FSTL5: variants seen among roughly 807,000 people sequenced by gnomAD.
FSTL5 encodes the protein follistatin-related protein 5.
Under a neutral mutation model 89.1 loss-of-function variants are expected in FSTL5, and 62 were observed. The observed-to-expected ratio is 0.70, with a 90% CI of 0.57 to 0.86. The LOEUF (loss-of-function observed/expected upper bound fraction) is 0.86. Among genes scored for constraint, FSTL5 ranks in the 40% least tolerant of loss-of-function variants. FSTL5 has a pLI of 0.00. For synonymous variants in FSTL5, 383 were observed against 346.2 expected, an observed-to-expected ratio of 1.11 and a Z score of -1.18; for missense variants, 1,057 against 1,001.6, an observed-to-expected ratio of 1.06 and a Z score of -0.75.
At chr4:161,729,340 C>A (rs1347072856) in intron 6 of FSTL5, among the ~76,000 whole-genome samples, 1 of 152,108 alleles carries the variant, frequency 6.6e-6, no homozygotes, top group Non-Finnish European at 1.5e-5. Context: ...CTGTCTTCTT[C>A]CCATCAATTT....
chr4:162,106,769 A>G lies in FSTL5; in HGVS notation c.126+4502T>C, dbSNP rs72982681. On this transcript the variant is annotated intron_variant, in intron 2 of 15. Transcript: ENST00000306100. Reference sequence around the variant, plus strand: ...CTAAGGTTTTAATGAAATAACCAACAACTCCCAAATCTCAATGATGTACAA... The same window carrying G: ...CTAAGGTTTTAATGAAATAACCAACGACTCCCAAATCTCAATGATGTACAA... Among the ~76,000 whole-genome samples the G allele has an allele frequency of 6.3e-3, 956 of 152,294 alleles. 6 individuals carry two copies. Among genetic ancestry groups the G allele is most frequent in the African/African-American group, 0.022 (916 of 41,564 alleles).
chr4:162,080,392 C>T (rs180825278), intron 2 of FSTL5, among the ~76,000 whole-genome samples: 5 of 151,496 alleles, frequency 3.3e-5, no homozygotes, highest in Admixed American at 6.6e-5. Flanking sequence ...AAGGAGTGTT[C>T]CTTCTGTGCA....
chr4:161,777,583 G>A (rs1210250713), intron 4 of FSTL5, among the ~76,000 whole-genome samples: 2 of 151,872 alleles, frequency 1.3e-5, no homozygotes. Context: ...TTAATGTTCT[G>A]ATATTCATTC....
At chr4:161,619,971 G>A (rs1346544774) in intron 7 of FSTL5, among the ~76,000 whole-genome samples, 1 of 151,902 alleles carries the variant, frequency 6.6e-6, no homozygotes, top group Non-Finnish European at 1.5e-5. Flanking sequence ...TGGATTGAGA[G>A]AATGTGGCAC....
intron 4 of FSTL5, among the ~76,000 whole-genome samples, chr4:161,780,631 C>A (rs891882366): frequency 6.6e-6 from 1 of 152,134 alleles, no homozygotes; most frequent in Non-Finnish European, 1.5e-5. Flanking sequence ...AGGGAAAATC[C>A]ATCTGGCCTT....
intron 7 of FSTL5, among the ~76,000 whole-genome samples, chr4:161,653,046 G>A (rs188945326): frequency 5.9e-5 from 9 of 152,168 alleles, no homozygotes; most frequent in Admixed American, 3.9e-4. Flanking sequence ...TGGAATTATA[G>A]ACATTTCTTA....
intron 6 of FSTL5, among the ~76,000 whole-genome samples, chr4:161,730,446 T>C (rs891438370): frequency 2.0e-5 from 3 of 151,952 alleles, no homozygotes; most frequent in African/African-American, 4.8e-5. Context: ...TTATTTAACA[T>C]AGAATTATTT....
At chr4:161,779,634 C>G (rs1345744945) in intron 4 of FSTL5, among the ~76,000 whole-genome samples, 1 of 151,162 alleles carries the variant, frequency 6.6e-6, no homozygotes, top group Non-Finnish European at 1.5e-5. Context: ...CCATATCTCC[C>G]TTTTATCCAC....
intron 13 of FSTL5, among the ~76,000 whole-genome samples, chr4:161,477,280 C>A (rs1729304510): frequency 7.0e-6 from 1 of 142,744 alleles, no homozygotes; most frequent in Admixed American, 7.3e-5. Context: ...GTGACACAAC[C>A]AAAAGGCAAA....
chr4:161,920,406 T>G lies in FSTL5; in HGVS notation c.407A>C (p.Lys136Thr). The change falls in exon 4 of 16, where the codon AAA (lysine) becomes ACA (threonine). Residue 136 changes from lysine (K) to threonine (T), a missense_variant and splice_region_variant. Coordinates refer to ENST00000306100, the MANE Select transcript of FSTL5 (RefSeq NM_020116.5). ...CTTAAGGTTCACCCTTCATTTACCT[T>G]TAAAGAAGCAGTCTTCATTGTGAAC... ...TIVHNEDCFF[K>T]GDKCKTTEYS... 1 of 1,613,774 alleles carries G rather than the reference T, an allele frequency of 6.2e-7. No homozygotes were observed. The highest frequency in any genetic ancestry group is 1.7e-5 in the Admixed American group (1 of 59,986).
intron 13 of FSTL5, among the ~76,000 whole-genome samples, chr4:161,462,879 A>G (rs1035023695): frequency 1.3e-5 from 2 of 152,084 alleles, no homozygotes; most frequent in East Asian, 3.8e-4. Flanking sequence ...TACAGACTAG[A>G]GGGTGAAAAG....
chr4:162,051,014 C>T (rs1043189743), intron 2 of FSTL5, among the ~76,000 whole-genome samples: 1 of 151,468 alleles, frequency 6.6e-6, no homozygotes, highest in Non-Finnish European at 1.5e-5. Flanking sequence ...ATTTAAACCT[C>T]TTCTATGGGT....
chr4:161,805,848 T>C (rs1040157471), intron 4 of FSTL5, among the ~76,000 whole-genome samples: 2 of 152,216 alleles, frequency 1.3e-5, no homozygotes, highest in South Asian at 4.1e-4. Context: ...TCACTTTCCA[T>C]GGTTTTGGTT....
At chr4:162,060,743 T>A (rs1168798827) in intron 2 of FSTL5, among the ~76,000 whole-genome samples, 7 of 152,082 alleles carry the variant, frequency 4.6e-5, no homozygotes, top group Admixed American at 2.6e-4. Context: ...AAGTGATATA[T>A]CATGTATTCT....
chr4:161,701,094 A>G (rs892092880), intron 6 of FSTL5, among the ~76,000 whole-genome samples: 40 of 152,310 alleles, frequency 2.6e-4, no homozygotes, highest in African/African-American at 9.1e-4. Flanking sequence ...AGAAATTAAA[A>G]CTGAATTAAG....
intron 6 of FSTL5, among the ~76,000 whole-genome samples, chr4:161,711,562 A>C (rs2126740142): frequency 1.3e-5 from 2 of 152,236 alleles, no homozygotes; most frequent in South Asian, 2.1e-4. Flanking sequence ...TTTTACTAAA[A>C]ATTTCTACCA....
Position 162,115,601 on chromosome 4 carries a change from CT to C in FSTL5, c.-16-4190del, listed in dbSNP as rs148193297. ...TGATCCTGTGACTTTTCCTTGTAAC[CT>C]CCATCTTCACAGGAAAGCATCAGAA... is the stretch of plus-strand genomic sequence containing the variant. On this transcript the variant is annotated intron_variant, in intron 1 of 15. Transcript: ENST00000306100. Among the ~76,000 whole-genome samples, 1,466 of 152,248 alleles carry C rather than the reference CT, an allele frequency of 9.6e-3. 25 individuals carry two copies. Among genetic ancestry groups the C allele is most frequent in the African/African-American group, 0.032 (1,349 of 41,540 alleles).
intron 4 of FSTL5, among the ~76,000 whole-genome samples, chr4:161,906,938 C>T (rs959227131): frequency 3.9e-5 from 6 of 151,986 alleles, no homozygotes; most frequent in Non-Finnish European, 7.4e-5. Flanking sequence ...CAAATTTATA[C>T]GGAGGTTGGT....
At chr4:161,943,163 AT>A (rs1410947968) in intron 3 of FSTL5, among the ~76,000 whole-genome samples, 2 of 152,012 alleles carry the variant, frequency 1.3e-5, no homozygotes, top group African/African-American at 4.8e-5. Flanking sequence ...ATAACACTGT[AT>A]AAAAAAATCA....
Sources: allele counts gnomAD v4.1 joint callset (sites outside exome capture counted in the v4.1 genomes callset), GRCh38; gene constraint gnomAD v4.1.1; transcripts MANE v1.5; gene names NCBI Gene and HGNC (gene_info 2026-07-23, HGNC 2026-07-21).